CD2AP: variants seen among roughly 807,000 people sequenced by gnomAD.
CD2AP encodes the protein CD2 associated protein.
In CD2AP, 46 loss-of-function variants were observed where a neutral mutation model predicts 85.1. The ratio of observed to expected loss-of-function variants is 0.54; its 90% CI spans 0.43 to 0.69. The LOEUF (loss-of-function observed/expected upper bound fraction) is 0.69, where lower values mean the gene tolerates loss of function less well. Ranked by LOEUF, CD2AP falls within the 30% of genes least tolerant of loss-of-function variation. CD2AP has a pLI of 0.00. For synonymous variants in CD2AP, 255 were observed against 252.9 expected (o/e 1.01, Z -0.08); for missense variants, 769 against 729.5 (o/e 1.05, Z -0.62).
In CD2AP at chr6:47,626,308, A is replaced by T. The variant is rs935068799; in HGVS notation, c.*2081A>T. On this transcript the variant is annotated 3_prime_UTR_variant, in exon 18 of 18. Coordinates refer to ENST00000359314, the MANE Select transcript of CD2AP (RefSeq NM_012120.3). ...GATAAAATAGTAAAGAAAACCAAACAAACCCAGGCCTGATGGGAAAAATGA... is the reference window on the plus strand; with the variant it reads ...GATAAAATAGTAAAGAAAACCAAACTAACCCAGGCCTGATGGGAAAAATGA... 1 of 152,072 alleles carries T rather than the reference A, an allele frequency of 6.6e-6. No homozygotes were observed. The highest frequency in any genetic ancestry group is 1.5e-5 in the Non-Finnish European group (1 of 67,854). 9.4% of individuals were successfully genotyped at this position (152,072 alleles called of 1,614,324 possible).
At chr6:47,587,958 G>T (rs1182658360) in intron 11 of CD2AP, among the ~76,000 whole-genome samples, 1 of 152,072 alleles carries the variant, frequency 6.6e-6, no homozygotes, top group African/African-American at 2.4e-5. Flanking sequence ...GTAGGCTCAT[G>T]GCTTCAGCCA....
In CD2AP at chr6:47,503,276, T is replaced by C; in HGVS notation, c.5-4T>C. 1 of 1,613,360 alleles carries C rather than the reference T, an allele frequency of 6.2e-7. No homozygotes were observed. The highest frequency in any genetic ancestry group is 1.1e-5 in the South Asian group (1 of 91,044). ...AGACATTTCGTTTTTTCCCCCTTTT[T>C]TAGTTGACTATATTGTGGAGTATGA... is the stretch of plus-strand genomic sequence containing the variant. On this transcript the variant is annotated splice_region_variant and splice_polypyrimidine_tract_variant and intron_variant, in intron 1 of 17. Transcript: ENST00000359314.
chr6:47,579,288 T>TC (rs1768400336), intron 8 of CD2AP, 97 bp from the exon 9 acceptor site: 1 of 738,126 alleles, frequency 1.4e-6, no homozygotes, highest in South Asian at 1.5e-5. Context: ...TGAGTCATGA[T>TC]CGCATCACTG....
chr6:47,612,296 C>T (rs918603217), intron 16 of CD2AP, among the ~76,000 whole-genome samples, 177 bp from the exon 17 acceptor site: 8 of 152,128 alleles, frequency 5.3e-5, no homozygotes, highest in African/African-American at 1.4e-4. Flanking sequence ...GAATTTTTAA[C>T]TGTTATATTG....
chr6:47,575,324 C>G (rs1199203066), intron 6 of CD2AP, among the ~76,000 whole-genome samples: 1 of 152,116 alleles, frequency 6.6e-6, no homozygotes, highest in Admixed American at 6.6e-5. Context: ...TGATCTTGTG[C>G]CCCTTCTAAC....
intron 1 of CD2AP, among the ~76,000 whole-genome samples, chr6:47,491,525 C>T (rs1024213547): frequency 1.3e-5 from 2 of 152,046 alleles, no homozygotes; most frequent in African/African-American, 2.4e-5. Flanking sequence ...ATTTGACAGA[C>T]TCAGTTAGAT....
intron 13 of CD2AP, among the ~76,000 whole-genome samples, chr6:47,602,326 A>G (rs1353165105): frequency 2.6e-5 from 4 of 151,992 alleles, no homozygotes; most frequent in African/African-American, 9.7e-5. Flanking sequence ...CCATGCTTAC[A>G]ATTTTTTTTC....
At chr6:47,606,020 T>G in intron 13 of CD2AP, 145 bp from the exon 14 acceptor site, 1 of 598,804 alleles carries the variant, frequency 1.7e-6, no homozygotes, top group Non-Finnish European at 2.9e-6. Context: ...TCCAAATGCA[T>G]ATGAAAAGCA....
chr6:47,612,234 G>A (rs1398683985), intron 16 of CD2AP, among the ~76,000 whole-genome samples: 2 of 152,030 alleles, frequency 1.3e-5, no homozygotes, highest in African/African-American at 4.8e-5. Flanking sequence ...GTCTTCGTGA[G>A]CTGCTCTGAA....
chr6:47,480,852 C>A (rs1054640077), intron 1 of CD2AP, among the ~76,000 whole-genome samples: 4 of 152,138 alleles, frequency 2.6e-5, no homozygotes, highest in African/African-American at 9.7e-5. Context: ...GTGATATAAC[C>A]TTACAGAAAC....
rs1045966766 is a variant in CD2AP, at chr6:47,610,067, T to G, written c.1814+763T>G. On this transcript the variant is annotated intron_variant, in intron 16 of 17. Coordinates refer to ENST00000359314, the MANE Select transcript of CD2AP (RefSeq NM_012120.3). Reference sequence around the variant, plus strand: ...TCTGAAAATTTTTTGATATGGTATATGTTGAGAGATACCCTAGTTGAAAGT... The same window carrying G: ...TCTGAAAATTTTTTGATATGGTATAGGTTGAGAGATACCCTAGTTGAAAGT... 2.0e-5 allele frequency among the ~76,000 whole-genome samples: 3 copies of G among 152,248 alleles called. No individual in the cohort carries two copies. The South Asian group carries it at 6.2e-4, about 32-fold the overall frequency.
rs948768728 is a variant in CD2AP, at chr6:47,625,075, A to T, written c.*848A>T. ...AACTTGTGCCTAGAAACTACAGCAC[A>T]TATAAAATATGTAAACACCAGCCTG... is the stretch of plus-strand genomic sequence containing the variant. On this transcript the variant is annotated 3_prime_UTR_variant, in exon 18 of 18. Transcript: ENST00000359314. The T allele has an allele frequency of 6.6e-6, 1 of 151,970 alleles. No homozygotes were observed. Among genetic ancestry groups the T allele is most frequent in the Non-Finnish European group, 1.5e-5 (1 of 67,832 alleles). 9.4% of individuals were successfully genotyped at this position (151,970 alleles called of 1,614,324 possible).
intron 11 of CD2AP, among the ~76,000 whole-genome samples, chr6:47,586,367 T>C (rs1235865221): frequency 6.6e-6 from 1 of 152,064 alleles, no homozygotes; most frequent in Admixed American, 6.6e-5. Flanking sequence ...ATTAAAAATG[T>C]ATAGAAAAAA....
At chr6:47,621,608 G>A (rs766436212) in intron 17 of CD2AP, among the ~76,000 whole-genome samples, 5 of 152,060 alleles carry the variant, frequency 3.3e-5, no homozygotes, top group African/African-American at 7.2e-5. Flanking sequence ...GAATAGTGTC[G>A]AAAGGATTGG....
rs765430650 is a variant in CD2AP at position 47,573,484 on chromosome 6, G to GTTTTT, written c.542-562_542-558dup. Among the ~76,000 whole-genome samples the GTTTTT allele has an allele frequency of 8.9e-4, 84 of 94,704 alleles. 1 individual carries two copies. Among genetic ancestry groups the GTTTTT allele is most frequent in the Non-Finnish European group, 1.2e-3 (58 of 48,950 alleles). 62.1% of individuals were successfully genotyped at this position (94,704 alleles called of 152,430 possible). On this transcript the variant is annotated intron_variant, in intron 5 of 17. Coordinates refer to ENST00000359314, the MANE Select transcript of CD2AP (RefSeq NM_012120.3). ...AAAGCTATAAATTGACATGCTGTGT[G>GTTTTT]TTTTTTTTTTTTTTTTTTTTTTGAG...
At chr6:47,539,969 A>C (rs964658958) in intron 3 of CD2AP, among the ~76,000 whole-genome samples, 1 of 151,646 alleles carries the variant, frequency 6.6e-6, no homozygotes, top group Non-Finnish European at 1.5e-5. Flanking sequence ...ACTTGAGCCC[A>C]GGAGTTCAGG....
At chr6:47,493,819 T>G (rs1380647050) in intron 1 of CD2AP, among the ~76,000 whole-genome samples, 1 of 152,184 alleles carries the variant, frequency 6.6e-6, no homozygotes, top group African/African-American at 2.4e-5. Flanking sequence ...AGCTTACTGA[T>G]TCTTTCCTTG....
At chr6:47,596,892 T>C (rs1286770658) in intron 12 of CD2AP, among the ~76,000 whole-genome samples, 1 of 152,084 alleles carries the variant, frequency 6.6e-6, no homozygotes, top group Admixed American at 6.6e-5. Flanking sequence ...GTGCAAGGGT[T>C]CCCTTTCCTT....
chr6:47,548,902 C>T (rs528924683), intron 4 of CD2AP, among the ~76,000 whole-genome samples: 27 of 152,102 alleles, frequency 1.8e-4, no homozygotes, highest in African/African-American at 4.6e-4. Flanking sequence ...GTTTAACATA[C>T]GCAAGTCAGT....
Sources: gnomAD v4.1 joint callset for allele counts (sites outside exome capture counted in the v4.1 genomes callset) on GRCh38, gnomAD v4.1.1 for gene constraint, MANE v1.5 for transcripts, NCBI Gene and HGNC (gene_info 2026-07-23, HGNC 2026-07-21) for gene names.